Variants in SPATC1L observed in about 807,000 individuals in gnomAD.
SPATC1L encodes speriolin-like protein.
SPATC1L carries 20 observed loss-of-function variants against 21.2 expected under a neutral mutation model. The ratio of observed to expected loss-of-function variants is 0.94; its 90% CI spans 0.66 to 1.37. The LOEUF (loss-of-function observed/expected upper bound fraction) is 1.37, where lower values mean the gene tolerates loss of function less well. Ranked by LOEUF, SPATC1L falls within the 40% of genes most tolerant of loss-of-function variation. SPATC1L has a pLI of 0.00. For synonymous variants in SPATC1L, 290 were observed against 234.5 expected (o/e 1.24, Z -2.16); for missense variants, 499 against 478.7 (o/e 1.04, Z -0.40).
At chr21:46,168,926 C>A (rs2079561480) in intron 2 of SPATC1L, among the ~76,000 whole-genome samples, 1 of 152,218 alleles carries the variant, frequency 6.6e-6, no homozygotes, top group Admixed American at 6.5e-5. Flanking sequence ...CTCCGTGTGC[C>A]TCCTGCCTGC....
At chr21:46,167,751 C>G (rs1408094207) in intron 3 of SPATC1L, among the ~76,000 whole-genome samples, 1 of 152,170 alleles carries the variant, frequency 6.6e-6, no homozygotes, top group African/African-American at 2.4e-5. Flanking sequence ...TGGCCTGAGC[C>G]TCAGGTGGAT....
intron 2 of SPATC1L, among the ~76,000 whole-genome samples, chr21:46,178,252 A>AC (rs2079646922): frequency 1.3e-5 from 2 of 151,232 alleles, no homozygotes; most frequent in African/African-American, 4.9e-5. Context: ...AAAAAAAAAA[A>AC]AAAACCAGAA....
intron 2 of SPATC1L, among the ~76,000 whole-genome samples, chr21:46,173,359 G>A (rs918693956): frequency 2.0e-5 from 3 of 152,070 alleles, no homozygotes; most frequent in South Asian, 2.1e-4. Flanking sequence ...CAGCCCCGAC[G>A]GCCACACACC....
At chr21:46,176,896 A>G (rs2079637164) in intron 2 of SPATC1L, among the ~76,000 whole-genome samples, 1 of 152,194 alleles carries the variant, frequency 6.6e-6, no homozygotes, top group Non-Finnish European at 1.5e-5. Flanking sequence ...ACAGAGCTAC[A>G]ATAACCAAAA....
intron 3 of SPATC1L, among the ~76,000 whole-genome samples, chr21:46,166,661 A>C (rs2079542439): frequency 6.6e-6 from 1 of 152,342 alleles, no homozygotes; most frequent in East Asian, 1.9e-4. Context: ...TTCAAGACAA[A>C]AACTATAACA....
chr21:46,172,179 G>C (rs2079598506), intron 2 of SPATC1L, among the ~76,000 whole-genome samples: 1 of 149,804 alleles, frequency 6.7e-6, no homozygotes, highest in African/African-American at 2.5e-5. Flanking sequence ...GATGCACAGA[G>C]CGTGAGGCGG....
intron 2 of SPATC1L, among the ~76,000 whole-genome samples, chr21:46,181,066 T>C (rs1006015294): frequency 1.4e-4 from 21 of 152,198 alleles, no homozygotes; most frequent in African/African-American, 4.8e-4. Context: ...AGCCCTGAGG[T>C]CCGGCCCAGG....
At position 46,170,146 on chromosome 21, in the gene SPATC1L, C is replaced by T. The variant is rs2079574520; in HGVS notation, c.194-1488G>A. On this transcript the variant is annotated intron_variant, in intron 2 of 4. Transcript: ENST00000291672. Reference sequence around the variant, plus strand: ...GGAGGAGCCCCTGCTCTGTGAGCATCCTCTGTGGATGGGGAGGAGCCTCCT... The same window carrying T: ...GGAGGAGCCCCTGCTCTGTGAGCATTCTCTGTGGATGGGGAGGAGCCTCCT... Among the ~76,000 whole-genome samples, 2 of 111,074 alleles carry T rather than the reference C, an allele frequency of 1.8e-5. 1 individual carries two copies. Among genetic ancestry groups the T allele is most frequent in the African/African-American group, 8.7e-5 (2 of 23,004 alleles). 72.9% of individuals were successfully genotyped at this position (111,074 alleles called of 152,430 possible). A position where few individuals can be genotyped will look rare whatever the true frequency, so the allele number is the denominator to read the frequency against.
chr21:46,161,770 C>T, intron 4 of SPATC1L, 65 bp from the exon 5 acceptor site: 1 of 1,491,048 alleles, frequency 6.7e-7, no homozygotes, highest in South Asian at 1.3e-5. Flanking sequence ...CTTCCAGGCC[C>T]AGGGCCGATC....
At chr21:46,167,985 A>T (rs2079552407) in intron 3 of SPATC1L, among the ~76,000 whole-genome samples, 1 of 152,222 alleles carries the variant, frequency 6.6e-6, no homozygotes, top group African/African-American at 2.4e-5. Flanking sequence ...GCTCATCAAA[A>T]AACATTATTA....
chr21:46,169,064 C>A (rs1191275828), intron 2 of SPATC1L, among the ~76,000 whole-genome samples: 4 of 152,292 alleles, frequency 2.6e-5, no homozygotes, highest in African/African-American at 7.2e-5. Context: ...GATTTATCCA[C>A]CCTGAGCCAT....
chr21:46,166,297 C>T (rs537024964), intron 3 of SPATC1L, among the ~76,000 whole-genome samples: 6 of 151,900 alleles, frequency 3.9e-5, no homozygotes, highest in South Asian at 2.1e-4. Context: ...ACCCAGGAGG[C>T]GGAGGTTGCA....
At chr21:46,183,979 A>T (rs73144734) in intron 1 of SPATC1L, among the ~76,000 whole-genome samples, 12,530 of 149,898 alleles carry the variant, frequency 0.084, 662 homozygotes, top group African/African-American at 0.13. Flanking sequence ...CTTGCGGGGG[A>T]GACCAGCCTA....
chr21:46,172,878 C>G (rs1007201864), intron 2 of SPATC1L, among the ~76,000 whole-genome samples: 2 of 152,170 alleles, frequency 1.3e-5, no homozygotes, highest in Non-Finnish European at 2.9e-5. Flanking sequence ...CACTGGTGCT[C>G]ATTTTTGGAC....
chr21:46,163,388 C>A (rs1378154030), intron 3 of SPATC1L, among the ~76,000 whole-genome samples: 1 of 152,158 alleles, frequency 6.6e-6, no homozygotes, highest in Non-Finnish European at 1.5e-5. Context: ...TTTGCTCATG[C>A]TTTTGATGTG....
intron 3 of SPATC1L, among the ~76,000 whole-genome samples, chr21:46,164,388 C>T (rs1488662623): frequency 6.6e-6 from 1 of 152,172 alleles, no homozygotes; most frequent in Non-Finnish European, 1.5e-5. Flanking sequence ...CTTTTCAAGA[C>T]TGCAGAAGAG....
intron 2 of SPATC1L, among the ~76,000 whole-genome samples, chr21:46,173,633 G>A (rs1001026101): frequency 3.3e-5 from 5 of 151,940 alleles, no homozygotes; most frequent in South Asian, 2.1e-4. Flanking sequence ...CACCCTGAGC[G>A]ATCACTCCTG....
chr21:46,178,957 C>G (rs1412353400), intron 2 of SPATC1L, among the ~76,000 whole-genome samples: 1 of 151,626 alleles, frequency 6.6e-6, no homozygotes, highest in East Asian at 1.9e-4. Flanking sequence ...AAAAATAAAT[C>G]CAGCTGGACA....
At chr21:46,181,677 G>A (rs1402202781) in intron 2 of SPATC1L, among the ~76,000 whole-genome samples, 2 of 152,146 alleles carry the variant, frequency 1.3e-5, no homozygotes, top group Admixed American at 6.5e-5. Context: ...CTGGCCTCCC[G>A]GGCATGGCTC....
Sources: gnomAD v4.1 joint callset for allele counts (sites outside exome capture counted in the v4.1 genomes callset) on GRCh38, gnomAD v4.1.1 for gene constraint, MANE v1.5 for transcripts, NCBI Gene and HGNC (gene_info 2026-07-23, HGNC 2026-07-21) for gene names.